SVIL: variants seen among roughly 807,000 people sequenced by gnomAD.
SVIL encodes the protein archvillin.
In SVIL, 101 loss-of-function variants were observed where a neutral mutation model predicts 240.4. The ratio of observed to expected loss-of-function variants is 0.42; its 90% CI spans 0.36 to 0.50. SVIL has a LOEUF of 0.50. Among genes scored for constraint, SVIL ranks in the 20% least tolerant of loss-of-function variants. The pLI is 0.01. For missense variants in SVIL, 2,512 were observed against 2,818.7 expected (o/e 0.89, Z 2.46); for synonymous variants, 999 against 1,100.0 (o/e 0.91, Z 1.82).
intron 29 of SVIL, among the ~76,000 whole-genome samples, chr10:29,474,594 CAAATAAATAAATAAAT>C (rs59193522): frequency 0.1 from 14,428 of 140,152 alleles, 911 homozygotes; most frequent in Non-Finnish European, 0.14. Context: ...GACTCTCTTA[CAAATAAATAAATAAAT>C]AAATAAATAA....
chr10:29,711,554 G>C lies in SVIL; in HGVS notation c.-400+24197C>G, dbSNP rs543588442. Among the ~76,000 whole-genome samples the C allele has an allele frequency of 5.9e-5, 9 of 151,382 alleles. No individual in the cohort carries two copies. In the South Asian group the frequency reaches 1.9e-3, roughly 32 times the overall value. On this transcript the variant is annotated intron_variant, in intron 1 of 35. Transcript: ENST00000375400. ...GGTGGGCAGATCACCTGAGGTCAGG[G>C]GTTCCAGACCAGCCTGGCCAACATG... is the stretch of plus-strand genomic sequence containing the variant.
At chr10:29,656,503 T>C (rs1313237231) in intron 3 of SVIL, among the ~76,000 whole-genome samples, 1 of 152,134 alleles carries the variant, frequency 6.6e-6, no homozygotes, top group Non-Finnish European at 1.5e-5. Context: ...AATTGAACTT[T>C]CTGGTCTTAA....
chr10:29,506,939 T>G (rs1949403279), intron 17 of SVIL, among the ~76,000 whole-genome samples: 2 of 152,162 alleles, frequency 1.3e-5, no homozygotes, highest in African/African-American at 2.4e-5. Flanking sequence ...GGTGCCACTT[T>G]GCAGAGTTGT....
rs1445798408 is a variant in SVIL at position 29,550,899 on chromosome 10, G to A, written c.525C>T (p.Leu175=). The change falls in exon 6 of 38, where the codon CTC becomes CTT. Residue 175 remains leucine, a synonymous_variant. Coordinates refer to ENST00000355867, the MANE Select transcript of SVIL (RefSeq NM_021738.3). ...CCTTGGATTCACCGGCACAGGTCCT[G>A]AGCCCCATCGTCTCGGTCCCGGGGT... ...SLYPGTETMG[L]RTCAGESKDY... is the part of the protein sequence containing the mutation. 6.2e-7 allele frequency: 1 copy of A among 1,614,102 alleles called. No homozygotes were observed. The highest frequency in any genetic ancestry group is 1.7e-5 in the Admixed American group (1 of 60,024).
intron 1 of SVIL, among the ~76,000 whole-genome samples, chr10:29,696,481 G>C (rs1454145783): frequency 4.0e-5 from 6 of 150,830 alleles, no homozygotes; most frequent in Non-Finnish European, 7.4e-5. Context: ...GTCTCTGCCC[G>C]GCTGCCATCC....
chr10:29,617,316 C>T (rs527795806), intron 1 of SVIL, among the ~76,000 whole-genome samples: 2 of 152,072 alleles, frequency 1.3e-5, no homozygotes, highest in Non-Finnish European at 2.9e-5. Context: ...TTTGCAGGCC[C>T]CTGGTCATTG....
intron 2 of SVIL, among the ~76,000 whole-genome samples, chr10:29,660,961 G>A (rs568323304): frequency 1.1e-4 from 17 of 152,204 alleles, no homozygotes; most frequent in Non-Finnish European, 2.1e-4. Context: ...GAGGTCAAGA[G>A]ATCAAGACCA....
intron 1 of SVIL, among the ~76,000 whole-genome samples, chr10:29,605,936 A>C (rs936867408): frequency 1.3e-5 from 2 of 151,836 alleles, no homozygotes; most frequent in Non-Finnish European, 2.9e-5. Flanking sequence ...TTTGAGATGG[A>C]GTCTTGCTCT....
chr10:29,658,994 G>C (rs184825928), intron 2 of SVIL, among the ~76,000 whole-genome samples: 1 of 152,300 alleles, frequency 6.6e-6, no homozygotes, highest in East Asian at 1.9e-4. Context: ...AAGCATTCCA[G>C]GCAGAGACAA....
At chr10:29,584,993 G>A (rs989142854) in intron 1 of SVIL, among the ~76,000 whole-genome samples, 3 of 152,092 alleles carry the variant, frequency 2.0e-5, no homozygotes, top group Non-Finnish European at 2.9e-5. Context: ...CCTCGACTTC[G>A]GGTTTGAGCA....
At chr10:29,460,663 C>CTT (rs1944147932) in intron 36 of SVIL, among the ~76,000 whole-genome samples, 1 of 152,196 alleles carries the variant, frequency 6.6e-6, no homozygotes, top group Non-Finnish European at 1.5e-5. Flanking sequence ...AATCCCAGCA[C>CTT]TTTGAGAGGC....
chr10:29,526,002 T>C (rs1413621867), intron 13 of SVIL, among the ~76,000 whole-genome samples: 1 of 152,194 alleles, frequency 6.6e-6, no homozygotes, highest in Non-Finnish European at 1.5e-5. Context: ...CCATTATTTT[T>C]AGCTTTTGCG....
At chr10:29,691,594 G>A (rs947605910) in intron 1 of SVIL, among the ~76,000 whole-genome samples, 8 of 152,310 alleles carry the variant, frequency 5.3e-5, no homozygotes, top group African/African-American at 1.9e-4. Flanking sequence ...TTATGATTTA[G>A]TTTGTCCACT....
chr10:29,568,105 C>G (rs1273344493), intron 2 of SVIL, among the ~76,000 whole-genome samples: 3 of 151,954 alleles, frequency 2.0e-5, no homozygotes, highest in African/African-American at 7.2e-5. Context: ...AATACGGATG[C>G]ATCCCATTAA....
intron 1 of SVIL, among the ~76,000 whole-genome samples, chr10:29,702,935 C>T (rs939615732): frequency 6.6e-6 from 1 of 152,166 alleles, no homozygotes; most frequent in Non-Finnish European, 1.5e-5. Flanking sequence ...GGCAACTTCA[C>T]AGGCTGCCTC....
At chr10:29,680,935 A>C (rs1184553171) in intron 2 of SVIL, among the ~76,000 whole-genome samples, 1 of 151,904 alleles carries the variant, frequency 6.6e-6, no homozygotes, top group African/African-American at 2.4e-5. Flanking sequence ...AAAAATAGCA[A>C]AGAAAGTGGG....
chr10:29,529,701 T>G lies in SVIL; in HGVS notation c.2246+4A>C, dbSNP rs1223400256. 2 of 1,600,148 alleles carry G rather than the reference T, an allele frequency of 1.2e-6. No homozygotes were observed. Among genetic ancestry groups the G allele is most frequent in the Non-Finnish European group, 1.7e-6 (2 of 1,175,596 alleles). Reference sequence around the variant, plus strand: ...CAAGGCTGAGAAGTCCTGTGGGCACTTACGTGGCTGCGATGACCACCTCTT... The same window carrying G: ...CAAGGCTGAGAAGTCCTGTGGGCACGTACGTGGCTGCGATGACCACCTCTT... On this transcript the variant is annotated splice_donor_region_variant and intron_variant, in intron 12 of 37. Transcript: ENST00000355867.
At chr10:29,541,550 C>T (rs17695207) in intron 6 of SVIL, among the ~76,000 whole-genome samples, 3,210 of 152,246 alleles carry the variant, frequency 0.021, 65 homozygotes, top group Admixed American at 0.055. Flanking sequence ...TGTGAGATAA[C>T]CAATTTCTTC....
chr10:29,643,037 G>C (rs1958540011), intron 3 of SVIL, among the ~76,000 whole-genome samples: 1 of 152,148 alleles, frequency 6.6e-6, no homozygotes, highest in African/African-American at 2.4e-5. Context: ...TGTCAGGGTG[G>C]ATTAATCAAT....
Sources: gnomAD v4.1 joint callset for allele counts (sites outside exome capture counted in the v4.1 genomes callset) on GRCh38, gnomAD v4.1.1 for gene constraint, MANE v1.5 for transcripts, NCBI Gene and HGNC (gene_info 2026-07-23, HGNC 2026-07-21) for gene names.